ROBO1: variants seen among roughly 807,000 people sequenced by gnomAD.
The protein encoded by ROBO1 is roundabout guidance receptor 1, also known as roundabout homolog 1.
ROBO1 carries 149 observed loss-of-function variants against 195.9 expected under a neutral mutation model. The observed-to-expected ratio is 0.76, with a 90% CI of 0.67 to 0.87. The LOEUF is 0.87. Among genes scored for constraint, ROBO1 ranks in the 40% least tolerant of loss-of-function variants. The probability of loss-of-function intolerance (pLI) is 0.00; values close to 1 mark genes in which losing one functional copy is unlikely to be tolerated. For synonymous variants in ROBO1, 816 were observed against 733.2 expected (o/e 1.11, Z -1.82); for missense variants, 1,933 against 2,068.3 (o/e 0.93, Z 1.27).
At chr3:78,927,565 TAA>T (rs2039290717) in intron 4 of ROBO1, among the ~76,000 whole-genome samples, 1 of 152,196 alleles carries the variant, frequency 6.6e-6, no homozygotes, top group Admixed American at 6.5e-5. Flanking sequence ...GAGGTATGTT[TAA>T]AAGTCTTTTT....
chr3:79,233,946 G>A (rs961886297), intron 2 of ROBO1, among the ~76,000 whole-genome samples: 9 of 151,786 alleles, frequency 5.9e-5, no homozygotes, highest in Non-Finnish European at 1.2e-4. Context: ...AGTGACGTCC[G>A]GCATTTTTTT....
intron 2 of ROBO1, among the ~76,000 whole-genome samples, chr3:79,263,213 AC>A (rs988463348): frequency 1.3e-5 from 2 of 152,184 alleles, no homozygotes; most frequent in Admixed American, 6.6e-5. Context: ...ACTGAATAAC[AC>A]CTTCAATTTC....
At chr3:78,720,054 T>C (rs2082004500) in intron 5 of ROBO1, among the ~76,000 whole-genome samples, 1 of 152,194 alleles carries the variant, frequency 6.6e-6, no homozygotes. Context: ...AAGGGAACAG[T>C]GGCTCAGAAA....
chr3:78,657,046 G>A, intron 18 of ROBO1, 52 bp downstream of exon 18: 2 of 1,494,498 alleles, frequency 1.3e-6, no homozygotes, highest in Non-Finnish European at 1.8e-6. Flanking sequence ...AAGCAAAGTG[G>A]GACACATGGT....
At chr3:79,076,612 A>G (rs1178147626) in intron 3 of ROBO1, among the ~76,000 whole-genome samples, 4 of 151,792 alleles carry the variant, frequency 2.6e-5, no homozygotes, top group Non-Finnish European at 2.9e-5. Context: ...GAAGTACTAC[A>G]TTGTAACACC....
intron 2 of ROBO1, among the ~76,000 whole-genome samples, chr3:79,385,665 G>T (rs1028142897): frequency 2.0e-5 from 3 of 152,056 alleles, no homozygotes; most frequent in African/African-American, 7.2e-5. Flanking sequence ...GTAAAAGAAA[G>T]AAACTCTTTT....
chr3:79,054,888 G>A (rs183786830), intron 3 of ROBO1, among the ~76,000 whole-genome samples: 89 of 152,194 alleles, frequency 5.8e-4, no homozygotes, highest in African/African-American at 1.8e-3. Context: ...CACTTCAGGC[G>A]GTCCCAACGC....
At chr3:79,309,754 TAGAC>T (rs1181705585) in intron 2 of ROBO1, among the ~76,000 whole-genome samples, 1 of 152,184 alleles carries the variant, frequency 6.6e-6, no homozygotes, top group East Asian at 1.9e-4. Context: ...ACAAGTGTAT[TAGAC>T]AGCAATTTAA....
intron 2 of ROBO1, among the ~76,000 whole-genome samples, chr3:79,152,569 T>C (rs2080791946): frequency 6.6e-6 from 1 of 151,908 alleles, no homozygotes; most frequent in African/African-American, 2.4e-5. Context: ...TATATGCATA[T>C]TGTATAATAA....
chr3:79,535,671 A>AT (rs59612646), intron 2 of ROBO1, among the ~76,000 whole-genome samples: 7 of 151,912 alleles, frequency 4.6e-5, no homozygotes, highest in African/African-American at 9.7e-5. Context: ...TCAGAAATGT[A>AT]TTTTTTTTAT....
intron 18 of ROBO1, among the ~76,000 whole-genome samples, chr3:78,653,089 G>C (rs1289081112): frequency 6.6e-6 from 1 of 152,138 alleles, no homozygotes; most frequent in Non-Finnish European, 1.5e-5. Flanking sequence ...ATTTGAGTCT[G>C]ATACATATTG....
intron 2 of ROBO1, among the ~76,000 whole-genome samples, chr3:79,400,464 A>G (rs928782182): frequency 1.8e-4 from 28 of 152,088 alleles, no homozygotes; most frequent in African/African-American, 5.3e-4. Context: ...ATTTCCCCCC[A>G]TCACGCAAAT....
rs920167584 is a variant in ROBO1 at position 79,528,121 on chromosome 3, C to G, written c.88+61703G>C. ...CCACATATGAATACACGTCCAATTA[C>G]TTATATCTTAGAGCAGATTAATGAA... On this transcript the variant is annotated intron_variant, in intron 2 of 30. Transcript: ENST00000464233. 3.9e-5 allele frequency among the ~76,000 whole-genome samples: 6 copies of G among 152,204 alleles called. No homozygotes were observed. In the South Asian group the frequency reaches 1.2e-3, roughly 31 times the overall value.
At chr3:79,680,107 C>A (rs1946900386) in intron 1 of ROBO1, among the ~76,000 whole-genome samples, 2 of 152,008 alleles carry the variant, frequency 1.3e-5, no homozygotes, top group Admixed American at 1.3e-4. Flanking sequence ...GACCTAGGAT[C>A]ACAGAGCAGC....
At chr3:79,571,262 C>A (rs1031171307) in intron 2 of ROBO1, among the ~76,000 whole-genome samples, 3 of 151,968 alleles carry the variant, frequency 2.0e-5, no homozygotes, top group African/African-American at 4.8e-5. Flanking sequence ...ATATCTAGGG[C>A]TCCAGATGAA....
chr3:79,686,351 G>T (rs1018513579), intron 1 of ROBO1, among the ~76,000 whole-genome samples: 3 of 152,162 alleles, frequency 2.0e-5, no homozygotes, highest in African/African-American at 7.2e-5. Context: ...ATTCAACATA[G>T]TGTTGGAAGT....
chr3:79,634,893 G>A (rs4856308), intron 1 of ROBO1, among the ~76,000 whole-genome samples: 86,568 of 151,964 alleles, frequency 0.57, 24,903 homozygotes, highest in South Asian at 0.67. Context: ...CCATTTGAAT[G>A]TAGCTTTCCA....
At chr3:79,046,338 T>C (rs1366964077) in intron 3 of ROBO1, among the ~76,000 whole-genome samples, 1 of 152,050 alleles carries the variant, frequency 6.6e-6, no homozygotes, top group African/African-American at 2.4e-5. Flanking sequence ...AGTCTTAAGA[T>C]GACTTCAGCC....
intron 2 of ROBO1, among the ~76,000 whole-genome samples, chr3:79,308,820 T>C (rs924678794): frequency 1.1e-4 from 16 of 152,198 alleles, no homozygotes; most frequent in African/African-American, 3.9e-4. Context: ...TCCATAGCTA[T>C]TTCATGCTAT....
Sources: gnomAD v4.1 joint callset for allele counts (sites outside exome capture counted in the v4.1 genomes callset) on GRCh38, gnomAD v4.1.1 for gene constraint, MANE v1.5 for transcripts, NCBI Gene and HGNC (gene_info 2026-07-23, HGNC 2026-07-21) for gene names.